Variants in PRKG2 observed in about 807,000 individuals in gnomAD.
PRKG2 encodes the protein protein kinase cGMP-dependent 2.
In PRKG2, 33 loss-of-function variants were observed where a neutral mutation model predicts 97.2. The ratio of observed to expected loss-of-function variants is 0.34; its 90% confidence interval spans 0.26 to 0.45. The LOEUF (loss-of-function observed/expected upper bound fraction) is 0.45, where lower values mean the gene tolerates loss of function less well. PRKG2 is among the 20% of genes least tolerant of loss of function. The pLI is 1.00. For synonymous variants in PRKG2, 330 were observed against 321.8 expected, an observed-to-expected ratio of 1.03 and a Z score of -0.27; for missense variants, 638 against 900.0, an observed-to-expected ratio of 0.71 and a Z score of 3.73.
At chr4:81,194,704 G>A (rs1416347741) in intron 2 of PRKG2, among the ~76,000 whole-genome samples, 2 of 152,296 alleles carry the variant, frequency 1.3e-5, no homozygotes, top group South Asian at 4.1e-4. Context: ...TTACAAAGAA[G>A]TTTATCTGAC....
chr4:81,132,735 A>G (rs1465301533), intron 14 of PRKG2, among the ~76,000 whole-genome samples: 1 of 152,102 alleles, frequency 6.6e-6, no homozygotes, highest in Admixed American at 6.6e-5. Context: ...TTGCATATAT[A>G]ATTTCAATCA....
chr4:81,176,845 C>T (rs565552825), intron 2 of PRKG2, among the ~76,000 whole-genome samples: 166 of 152,034 alleles, frequency 1.1e-3, no homozygotes, highest in African/African-American at 3.8e-3. Context: ...CATTCAACAT[C>T]CAACATTCCA....
In PRKG2 at chr4:81,215,220, T is replaced by C. The variant is rs1422923843; in HGVS notation, c.-298A>G. ...CGCCTGGCTCCGCGGCGGGGGCCGG[T>C]GCAGAGGAGACACGCAGGGAGGGAG... is the stretch of plus-strand genomic sequence containing the variant. On this transcript the variant is annotated 5_prime_UTR_variant, in exon 1 of 19. Coordinates refer to ENST00000264399, the MANE Select transcript of PRKG2 (RefSeq NM_006259.3). The C allele has an allele frequency of 1.3e-5, 2 of 151,584 alleles. No individual in the cohort carries two copies. The highest frequency in any genetic ancestry group is 2.9e-5 in the Non-Finnish European group (2 of 67,928). 9.4% of individuals were successfully genotyped at this position (151,584 alleles called of 1,614,324 possible). A position where few individuals can be genotyped will look rare whatever the true frequency, so the allele number is the denominator to read the frequency against.
intron 16 of PRKG2, among the ~76,000 whole-genome samples, chr4:81,105,358 T>G (rs559938497): frequency 2.6e-5 from 4 of 152,304 alleles, no homozygotes; most frequent in African/African-American, 9.6e-5. Context: ...GTGTTCAAAT[T>G]TTTTAGCTCT....
At chr4:81,170,699 A>G (rs1383863114) in intron 4 of PRKG2, among the ~76,000 whole-genome samples, 1 of 149,898 alleles carries the variant, frequency 6.7e-6, no homozygotes, top group Non-Finnish European at 1.5e-5. Context: ...AGATTGCCAT[A>G]AAGTCAATAA....
intron 14 of PRKG2, among the ~76,000 whole-genome samples, chr4:81,130,362 G>T (rs6844442): frequency 0.039 from 5,942 of 152,230 alleles, 410 homozygotes; most frequent in African/African-American, 0.14. Flanking sequence ...TCCTCTGGAA[G>T]CTTCATCCCA....
chr4:81,118,989 G>C (rs1024343440), intron 14 of PRKG2, among the ~76,000 whole-genome samples: 3 of 152,052 alleles, frequency 2.0e-5, no homozygotes, highest in African/African-American at 7.2e-5. Flanking sequence ...TAGAGATGAG[G>C]TTTCACCATG....
At position 81,214,958 on chromosome 4, in the gene PRKG2, G is replaced by A. The variant is rs998226542; in HGVS notation, c.-36C>T. ...CACCAGACAGCCGGGTAACTTTCCAGGTGCGCAGCTTGTCACCTCGGCGCG... is the reference window on the plus strand; with the variant it reads ...CACCAGACAGCCGGGTAACTTTCCAAGTGCGCAGCTTGTCACCTCGGCGCG... On this transcript the variant is annotated 5_prime_UTR_variant, in exon 1 of 19. Transcript: ENST00000264399. 2.0e-5 allele frequency: 3 copies of A among 152,306 alleles called. No individual in the cohort carries two copies. The highest frequency in any genetic ancestry group is 7.2e-5 in the African/African-American group (3 of 41,462). The allele number at this position is 152,306 out of a possible 1,614,324, so 9.4% of individuals were successfully genotyped here.
chr4:81,099,659 G>C (rs1742508358), intron 17 of PRKG2, among the ~76,000 whole-genome samples: 1 of 152,048 alleles, frequency 6.6e-6, no homozygotes, highest in South Asian at 2.1e-4. Flanking sequence ...GCACAAGACA[G>C]GGATGCCCTC....
At chr4:81,214,018 C>T (rs1754139583) in intron 1 of PRKG2, among the ~76,000 whole-genome samples, 1 of 151,870 alleles carries the variant, frequency 6.6e-6, no homozygotes, top group South Asian at 2.1e-4. Context: ...CTGAAAACAG[C>T]TAGTGTATGT....
At chr4:81,179,567 A>C (rs936076818) in intron 2 of PRKG2, among the ~76,000 whole-genome samples, 2 of 152,220 alleles carry the variant, frequency 1.3e-5, no homozygotes, top group African/African-American at 4.8e-5. Flanking sequence ...TGTTAGAAGG[A>C]AGAAAGAGCA....
At chr4:81,124,981 C>CATAT (rs1171571706) in intron 14 of PRKG2, among the ~76,000 whole-genome samples, 1 of 152,026 alleles carries the variant, frequency 6.6e-6, no homozygotes, top group Non-Finnish European at 1.5e-5. Flanking sequence ...CCCACATTCT[C>CATAT]TATATGATTT....
At chr4:81,096,791 T>C (rs550557038) in intron 17 of PRKG2, among the ~76,000 whole-genome samples, 1 of 152,286 alleles carries the variant, frequency 6.6e-6, no homozygotes, top group African/African-American at 2.4e-5. Flanking sequence ...CAATTCAAAT[T>C]CTAGTTCTAT....
At chr4:81,202,676 C>G (rs1753390704) in intron 2 of PRKG2, among the ~76,000 whole-genome samples, 2 of 151,824 alleles carry the variant, frequency 1.3e-5, no homozygotes, top group African/African-American at 4.8e-5. Flanking sequence ...GTCCCATTCA[C>G]TATAGACAGA....
At chr4:81,167,717 A>G (rs1487370587) in intron 5 of PRKG2, among the ~76,000 whole-genome samples, 1 of 152,076 alleles carries the variant, frequency 6.6e-6, no homozygotes, top group Non-Finnish European at 1.5e-5. Context: ...TCTGATTATT[A>G]GTCATACTGT....
chr4:81,173,359 C>T (rs1750654943), intron 3 of PRKG2, among the ~76,000 whole-genome samples: 1 of 152,092 alleles, frequency 6.6e-6, no homozygotes. Flanking sequence ...TCTTCTCTCC[C>T]TGAGCCTTTC....
chr4:81,110,750 A>ACAAAG (rs1553919002), intron 14 of PRKG2, 139 bp from the exon 15 acceptor site: 25 of 358,918 alleles, frequency 7.0e-5, no homozygotes, highest in African/African-American at 6.8e-4. Context: ...CACACACACA[A>ACAAAG]AGAGAGAGAG....
chr4:81,099,569 A>G (rs1742496311), intron 17 of PRKG2, among the ~76,000 whole-genome samples: 4 of 152,316 alleles, frequency 2.6e-5, no homozygotes, highest in Admixed American at 2.0e-4. Context: ...ATCTCAAAAT[A>G]ATAAGAGCTA....
intron 13 of PRKG2, among the ~76,000 whole-genome samples, chr4:81,137,009 G>A (rs940601490): frequency 6.6e-6 from 1 of 151,952 alleles, no homozygotes; most frequent in African/African-American, 2.4e-5. Context: ...ATCTTCGCAG[G>A]CATCTTGCTC....
Sources: gnomAD v4.1 joint callset for allele counts (sites outside exome capture counted in the v4.1 genomes callset) on GRCh38, gnomAD v4.1.1 for gene constraint, MANE v1.5 for transcripts, NCBI Gene and HGNC (gene_info 2026-07-23, HGNC 2026-07-21) for gene names.